Variants in SCN7A observed in about 807,000 individuals in gnomAD.
The protein encoded by SCN7A is sodium voltage-gated channel alpha subunit 7, also known as sodium channel protein type 7 subunit alpha.
In SCN7A, 138 loss-of-function variants were observed where a neutral mutation model predicts 155.2. The observed-to-expected ratio is 0.89, with a 90% confidence interval of 0.77 to 1.02. SCN7A has a LOEUF of 1.02. SCN7A is among the 50% of genes least tolerant of loss of function. SCN7A has a pLI of 0.00. For missense variants in SCN7A, 2,058 were observed against 1,986.6 expected (o/e 1.04, Z -0.68); for synonymous variants, 693 against 649.0 (o/e 1.07, Z -1.03).
At chr2:166,419,980 T>A (rs1173192999) in intron 20 of SCN7A, among the ~76,000 whole-genome samples, 1 of 152,122 alleles carries the variant, frequency 6.6e-6, no homozygotes, top group African/African-American at 2.4e-5. Flanking sequence ...TAAGTACTAT[T>A]ATAATGAGTC....
At chr2:166,441,009 T>C (rs138723830) in intron 15 of SCN7A, 317 of 291,716 alleles carry the variant, frequency 1.1e-3, no homozygotes, top group Non-Finnish European at 1.7e-3. Flanking sequence ...ATTTAAAACT[T>C]ATGAGTTTTA....
At chr2:166,467,152 T>C (rs1332300587) in intron 7 of SCN7A, among the ~76,000 whole-genome samples, 3 of 151,866 alleles carry the variant, frequency 2.0e-5, no homozygotes, top group Non-Finnish European at 2.9e-5. Flanking sequence ...GGTTTACCAT[T>C]GATACACATG....
intron 18 of SCN7A, among the ~76,000 whole-genome samples, chr2:166,424,382 C>T (rs890179743): frequency 6.6e-6 from 1 of 151,942 alleles, no homozygotes; most frequent in Admixed American, 6.6e-5. Context: ...TGCAAAGAAC[C>T]AGAAAAACAG....
At chr2:166,414,004 A>ATATATATATATATATATATATATATAT (rs1559087806) in intron 21 of SCN7A, among the ~76,000 whole-genome samples, 1 of 45,810 alleles carries the variant, frequency 2.2e-5, no homozygotes, top group Non-Finnish European at 4.1e-5. Context: ...TATATATATA[A>ATATATATATATATATATATATATATAT]ATATACTATA....
At chr2:166,427,979 A>C (rs1185883186) in intron 17 of SCN7A, 37 bp from the exon 18 acceptor site, 3 of 1,597,174 alleles carry the variant, frequency 1.9e-6, no homozygotes, top group African/African-American at 1.3e-5. Flanking sequence ...ACAATCTAGA[A>C]AACTCATGAA....
intron 10 of SCN7A, among the ~76,000 whole-genome samples, chr2:166,460,588 T>C (rs1429079148): frequency 6.6e-6 from 1 of 152,086 alleles, no homozygotes; most frequent in Non-Finnish European, 1.5e-5. Flanking sequence ...ACTCCTACAC[T>C]GGGCTTGGGG....
chr2:166,492,606 T>A (rs1683137951), intron 1 of SCN7A, among the ~76,000 whole-genome samples: 2 of 152,148 alleles, frequency 1.3e-5, no homozygotes, highest in Admixed American at 1.3e-4. Context: ...GCTTTCAGAT[T>A]AGAATATGCT....
At chr2:166,481,457 T>C (rs961951380) in intron 2 of SCN7A, among the ~76,000 whole-genome samples, 1 of 152,114 alleles carries the variant, frequency 6.6e-6, no homozygotes, top group African/African-American at 2.4e-5. Flanking sequence ...ACTTCAAAAT[T>C]TGGACTAAAA....
At chr2:166,436,578 C>A (rs1043954724) in intron 15 of SCN7A, 6 of 173,812 alleles carry the variant, frequency 3.5e-5, no homozygotes, top group African/African-American at 9.6e-5. Context: ...TAAAGATATC[C>A]AAAAATGTGG....
chr2:166,492,804 T>A (rs2105551322), intron 1 of SCN7A, among the ~76,000 whole-genome samples: 1 of 152,350 alleles, frequency 6.6e-6, no homozygotes, highest in South Asian at 2.1e-4. Flanking sequence ...GGTACTTTCA[T>A]AAACCCTTTA....
In SCN7A at chr2:166,465,542, G is replaced by A; in HGVS notation, c.872-11C>T. On this transcript the variant is annotated splice_polypyrimidine_tract_variant and intron_variant, in intron 8 of 25. Transcript: ENST00000643258. Reference sequence around the variant, plus strand: ...AAAAGTTTTCTGTTTCTGAAAAACAGGCAAGAAATGATATTCTATATGTAA... The same window carrying A: ...AAAAGTTTTCTGTTTCTGAAAAACAAGCAAGAAATGATATTCTATATGTAA... The A allele has an allele frequency of 6.4e-7, 1 of 1,569,806 alleles. No individual in the cohort carries two copies.
intron 17 of SCN7A, among the ~76,000 whole-genome samples, chr2:166,428,413 G>T (rs13404431): frequency 0.076 from 11,494 of 151,938 alleles, 766 homozygotes; most frequent in African/African-American, 0.17. Context: ...CAAATTAATT[G>T]CTTTGATTCC....
intron 7 of SCN7A, among the ~76,000 whole-genome samples, chr2:166,467,909 T>G (rs1424162981): frequency 6.6e-6 from 1 of 151,962 alleles, no homozygotes; most frequent in Non-Finnish European, 1.5e-5. Flanking sequence ...TTTTTATTTC[T>G]ATATTCTCCT....
intron 15 of SCN7A, among the ~76,000 whole-genome samples, chr2:166,432,978 C>A (rs1701766374): frequency 6.6e-6 from 1 of 152,052 alleles, no homozygotes; most frequent in Admixed American, 6.6e-5. Flanking sequence ...TGATCAACAG[C>A]TCCTCAATCT....
At chr2:166,450,665 G>A (rs1352184954) in intron 11 of SCN7A, among the ~76,000 whole-genome samples, 12 of 151,864 alleles carry the variant, frequency 7.9e-5, no homozygotes, top group African/African-American at 2.4e-4. Context: ...GTGTTAGGGC[G>A]CGCCTATAGT....
At chr2:166,452,326 T>C (rs1392518009) in intron 11 of SCN7A, among the ~76,000 whole-genome samples, 2 of 151,990 alleles carry the variant, frequency 1.3e-5, no homozygotes, top group Non-Finnish European at 2.9e-5. Context: ...AAGATGCTTA[T>C]TAGACTTAAA....
chr2:166,480,457 CAAAA>C (rs71031251), intron 2 of SCN7A, among the ~76,000 whole-genome samples: 27 of 130,926 alleles, frequency 2.1e-4, no homozygotes, highest in African/African-American at 7.6e-4. Flanking sequence ...GACTCCGTCT[CAAAA>C]AAAAAAAACA....
Position 166,423,317 on chromosome 2 carries a change from T to C in SCN7A, c.2969A>G (p.Tyr990Cys). ...ILEMLLKWMA[Y>C]GFKAYFSNGW... ...ATTAGAGAAATAGGCCTTAAAACCA[T>C]ATGCCATCCATTTTAGAAGCATTTC... The change falls in exon 19 of 26, where the codon TAT becomes TGT. Residue 990 changes from tyrosine to cysteine, a missense_variant. By Grantham distance (194) the Tyr-to-Cys change is radical (BLOSUM62 -2). Transcript: ENST00000643258. 1.2e-6 allele frequency: 2 copies of C among 1,612,408 alleles called. No homozygotes were observed. Among genetic ancestry groups the C allele is most frequent in the African/African-American group, 1.3e-5 (1 of 74,922 alleles).
chr2:166,435,939 A>C (rs1181688131), intron 15 of SCN7A, among the ~76,000 whole-genome samples: 4 of 152,188 alleles, frequency 2.6e-5, no homozygotes, highest in Admixed American at 2.0e-4. Context: ...AATAATATTA[A>C]ATAACTAAGA....
Sources: gnomAD v4.1 joint callset for allele counts (sites outside exome capture counted in the v4.1 genomes callset) on GRCh38, gnomAD v4.1.1 for gene constraint, MANE v1.5 for transcripts, NCBI Gene and HGNC (gene_info 2026-07-23, HGNC 2026-07-21) for gene names.